Variants in FAM81A observed in about 807,000 individuals in gnomAD.
FAM81A encodes the protein protein FAM81A.
Under a neutral mutation model 46.7 loss-of-function variants are expected in FAM81A, and 19 were observed. The ratio of observed to expected loss-of-function variants is 0.41; its 90% CI spans 0.28 to 0.60. FAM81A has a LOEUF of 0.60. FAM81A is among the 20% of genes least tolerant of loss of function. The pLI, the probability that FAM81A is intolerant of heterozygous loss-of-function variation, is 0.34. For missense variants in FAM81A, 377 were observed against 453.5 expected, an observed-to-expected ratio of 0.83 and a Z score of 1.53; for synonymous variants, 183 against 152.9, an observed-to-expected ratio of 1.20 and a Z score of -1.45.
chr15:59,424,719 C>G (rs974063543), intron 2 of FAM81A, among the ~76,000 whole-genome samples: 1 of 152,236 alleles, frequency 6.6e-6, no homozygotes, highest in Admixed American at 6.5e-5. Context: ...TCCTGCATCA[C>G]AAGTTCGCTG....
chr15:59,506,485 G>T (rs748457429), intron 4 of FAM81A, among the ~76,000 whole-genome samples: 7 of 152,150 alleles, frequency 4.6e-5, no homozygotes, highest in Admixed American at 3.3e-4. Flanking sequence ...TGCTCCGATT[G>T]CAGAGTCACC....
Position 59,460,195 on chromosome 15 carries a change from C to T in FAM81A, c.283C>T (p.Arg95Trp), listed in dbSNP as rs1406302088. ...NITAIVKQLN[R>W]DIEVLQEQIR... Reference sequence around the variant, plus strand: ...AACTGCCATAGTGAAGCAACTTAATCGGGATATCGAGGTAAGGTTTGTGAA... The same window carrying T: ...AACTGCCATAGTGAAGCAACTTAATTGGGATATCGAGGTAAGGTTTGTGAA... The change falls in exon 3 of 9, where the codon CGG (arginine) becomes TGG (tryptophan). Residue 95 changes from arginine (R) to tryptophan (W), a missense_variant. Transcript: ENST00000288228. This position sits in a 1 kb window ranked among gnomAD's most constrained non-coding sequence, Gnocchi z 4.4. 1.9e-6 allele frequency: 3 copies of T among 1,613,876 alleles called. No homozygotes were observed. The highest frequency in any genetic ancestry group is 2.7e-5 in the African/African-American group (2 of 74,934).
upstream of FAM81A, among the ~76,000 whole-genome samples, chr15:59,436,509 T>C (rs2081244285): frequency 6.6e-6 from 1 of 152,180 alleles, no homozygotes; most frequent in Admixed American, 6.5e-5. Context: ...CCATATGCAC[T>C]GAAAGGCACC....
intron 1 of FAM81A, among the ~76,000 whole-genome samples, chr15:59,444,729 C>T (rs537563517): frequency 1.7e-3 from 258 of 152,318 alleles, no homozygotes; most frequent in African/African-American, 6.0e-3. Flanking sequence ...AGTAACTCTT[C>T]TACTGTCCTC....
At chr15:59,516,937 T>G in intron 8 of FAM81A, 97 bp downstream of exon 8, 3 of 1,144,622 alleles carry the variant, frequency 2.6e-6, no homozygotes, top group Non-Finnish European at 3.6e-6. Context: ...ACCTGGCTAA[T>G]GGTAATAACC....
rs763755156 is a variant in FAM81A, at chr15:59,508,884, G to A, written c.565G>A (p.Val189Met). ...EGQISQLLNR[V>M]DLSISEQSTK... is the part of the protein sequence containing the mutation. ...CCAGATTTCTCAGCTTTTGAACAGA[G>A]TGGACTTGTCAATATCAGAGCAGAG... The change falls in exon 6 of 9, where the codon GTG (valine) becomes ATG (methionine). Residue 189 changes from valine (V) to methionine (M), a missense_variant. Transcript: ENST00000288228. 3.1e-6 allele frequency: 5 copies of A among 1,613,148 alleles called. No homozygotes were observed. In the Admixed American group the frequency reaches 8.3e-5, roughly 27 times the overall value.
At chr15:59,450,749 A>C (rs1374578672) in intron 1 of FAM81A, among the ~76,000 whole-genome samples, 1 of 152,252 alleles carries the variant, frequency 6.6e-6, no homozygotes, top group African/African-American at 2.4e-5. Context: ...ATATTCTTTT[A>C]AGATTTGCCA....
chr15:59,520,024 C>T (rs375211325), intron 8 of FAM81A, among the ~76,000 whole-genome samples: 6 of 152,132 alleles, frequency 3.9e-5, no homozygotes, highest in Non-Finnish European at 7.3e-5. Flanking sequence ...AGGCCACATG[C>T]GACCCAGGAT....
At chr15:59,420,120 T>C (rs1157142310) in intron 2 of FAM81A, among the ~76,000 whole-genome samples, 1 of 152,202 alleles carries the variant, frequency 6.6e-6, no homozygotes, top group Non-Finnish European at 1.5e-5. Flanking sequence ...AGAATGACTC[T>C]TTAGGGACTG....
At chr15:59,476,555 G>A (rs1439384521) in intron 3 of FAM81A, among the ~76,000 whole-genome samples, 1 of 152,244 alleles carries the variant, frequency 6.6e-6, no homozygotes, top group African/African-American at 2.4e-5. Context: ...GATCCACAAG[G>A]TGGGTGGATC....
chr15:59,509,629 A>G (rs1304564414), intron 6 of FAM81A, among the ~76,000 whole-genome samples: 1 of 152,194 alleles, frequency 6.6e-6, no homozygotes, highest in Non-Finnish European at 1.5e-5. Flanking sequence ...AAAGAATTCC[A>G]AGCCAAGGAA....
At chr15:59,464,501 A>G (rs1434651217) in intron 3 of FAM81A, among the ~76,000 whole-genome samples, 3 of 152,152 alleles carry the variant, frequency 2.0e-5, no homozygotes, top group Admixed American at 6.5e-5. Flanking sequence ...TGTTTTGGTA[A>G]TAGCAGTTAT....
upstream of FAM81A, chr15:59,438,113 C>G (rs1430503432): frequency 2.1e-5 from 3 of 146,258 alleles, no homozygotes; most frequent in African/African-American, 7.3e-5. Context: ...GAGCCGCGAA[C>G]CCGGCCGGGC....
intron 3 of FAM81A, among the ~76,000 whole-genome samples, chr15:59,477,206 G>A (rs2081783370): frequency 5.9e-5 from 9 of 152,044 alleles, no homozygotes; most frequent in Admixed American, 5.9e-4. Flanking sequence ...AAACAGAGGT[G>A]TGAAGATATT....
At chr15:59,409,599 C>G (rs1173485773) in intron 2 of FAM81A, among the ~76,000 whole-genome samples, 2 of 152,132 alleles carry the variant, frequency 1.3e-5, no homozygotes, top group African/African-American at 4.8e-5. Context: ...ACTGTCTTTT[C>G]TGTACAAGAC....
chr15:59,442,284 A>G (rs1289302912), intron 1 of FAM81A, among the ~76,000 whole-genome samples: 3 of 152,072 alleles, frequency 2.0e-5, no homozygotes, highest in Admixed American at 6.5e-5. Context: ...CCCTTTTTAA[A>G]CCTTTTACTT....
intron 2 of FAM81A, 37 bp downstream of exon 2, chr15:59,458,683 C>A: frequency 6.4e-7 from 1 of 1,566,568 alleles, no homozygotes; most frequent in Non-Finnish European, 8.8e-7. Flanking sequence ...ATGGGGGCTG[C>A]TAGTGGGTGT....
rs567521271 is a variant in FAM81A, at chr15:59,497,202, C to T, written c.413+4813C>T. On this transcript the variant is annotated intron_variant, in intron 4 of 8. Coordinates refer to ENST00000288228, the MANE Select transcript of FAM81A (RefSeq NM_152450.3). ...GCGGCTCACGCCTGTAATCCCAGCA[C>T]TTTGGGAGGCTGAGGTGGGCAGATC... 2.5e-3 allele frequency among the ~76,000 whole-genome samples: 386 copies of T among 151,662 alleles called. 3 individuals carry two copies. The highest frequency in any genetic ancestry group is 9.2e-3 in the African/African-American group (379 of 41,332).
intron 4 of FAM81A, among the ~76,000 whole-genome samples, chr15:59,494,243 C>T (rs574420578): frequency 8.5e-5 from 13 of 152,296 alleles, no homozygotes; most frequent in African/African-American, 3.1e-4. Context: ...TCTGTGATAC[C>T]TCTCAGAACA....
Sources: allele counts gnomAD v4.1 joint callset (sites outside exome capture counted in the v4.1 genomes callset), GRCh38; gene constraint gnomAD v4.1.1; non-coding constraint Gnocchi (gnomAD v3.1); transcripts MANE v1.5; gene names NCBI Gene and HGNC (gene_info 2026-07-23, HGNC 2026-07-21).